Variants in SDC2 observed in about 807,000 individuals in gnomAD.
The protein encoded by SDC2 is syndecan-2.
A neutral mutation model predicts 22.2 loss-of-function variants in SDC2; 13 were observed. The observed-to-expected ratio is 0.59, with a 90% CI of 0.38 to 0.93. The LOEUF (loss-of-function observed/expected upper bound fraction) is 0.93, where lower values mean the gene tolerates loss of function less well. SDC2 is among the 40% of genes least tolerant of loss of function. The pLI, the probability that SDC2 is intolerant of heterozygous loss-of-function variation, is 0.00. For missense variants in SDC2, 235 were observed against 246.8 expected (o/e 0.95, Z 0.32); for synonymous variants, 94 against 92.8 (o/e 1.01, Z -0.07).
intron 1 of SDC2, among the ~76,000 whole-genome samples, chr8:96,511,807 T>TA (rs1330546382): frequency 1.3e-5 from 2 of 149,712 alleles, no homozygotes; most frequent in Non-Finnish European, 2.9e-5. Context: ...TTTTTTTTTT[T>TA]AATCAGCCTC....
chr8:96,497,812 C>T (rs5893387), intron 1 of SDC2, among the ~76,000 whole-genome samples: 37,197 of 152,124 alleles, frequency 0.24, 4,852 homozygotes, highest in Non-Finnish European at 0.31. Flanking sequence ...TGAGGAATGC[C>T]ATCTGGGTTT....
intron 1 of SDC2, among the ~76,000 whole-genome samples, chr8:96,570,370 T>C (rs1426491220): frequency 6.6e-6 from 1 of 152,166 alleles, no homozygotes; most frequent in Non-Finnish European, 1.5e-5. Flanking sequence ...TTAAAGACAT[T>C]TGTCTAGAAA....
At chr8:96,543,995 A>T (rs1482411179) in intron 1 of SDC2, among the ~76,000 whole-genome samples, 1 of 152,184 alleles carries the variant, frequency 6.6e-6, no homozygotes, top group Non-Finnish European at 1.5e-5. Context: ...CTTACTCGAG[A>T]TGCTAGAGCT....
chr8:96,544,222 T>G (rs569211484), intron 1 of SDC2, among the ~76,000 whole-genome samples: 2 of 152,326 alleles, frequency 1.3e-5, no homozygotes, highest in South Asian at 4.1e-4. Flanking sequence ...TAATTGGATG[T>G]GTACTTACCT....
chr8:96,603,440 G>A (rs897104838), intron 3 of SDC2, among the ~76,000 whole-genome samples: 18 of 152,170 alleles, frequency 1.2e-4, no homozygotes, highest in Admixed American at 3.3e-4. Flanking sequence ...CAGTGCAGGG[G>A]TAACATATGG....
chr8:96,519,728 C>G (rs933422726), intron 1 of SDC2, among the ~76,000 whole-genome samples: 1 of 151,984 alleles, frequency 6.6e-6, no homozygotes, highest in Non-Finnish European at 1.5e-5. Context: ...TCTCTCCTCC[C>G]GGGTTCAAGC....
intron 1 of SDC2, among the ~76,000 whole-genome samples, chr8:96,543,413 A>G (rs924149869): frequency 1.3e-5 from 2 of 152,240 alleles, no homozygotes; most frequent in Non-Finnish European, 2.9e-5. Context: ...GAAAAGCCAC[A>G]TTGGTAATGA....
chr8:96,522,694 A>C (rs1165591457), intron 1 of SDC2, among the ~76,000 whole-genome samples: 1 of 152,240 alleles, frequency 6.6e-6, no homozygotes, highest in East Asian at 1.9e-4. Flanking sequence ...TGAACTACTA[A>C]GGTAAGGGAA....
At chr8:96,601,529 T>C (rs1284791569) in intron 2 of SDC2, among the ~76,000 whole-genome samples, 1 of 149,716 alleles carries the variant, frequency 6.7e-6, no homozygotes, top group Non-Finnish European at 1.5e-5. Flanking sequence ...TAGTCCCAGC[T>C]ACTCGGGAGG....
intron 1 of SDC2, among the ~76,000 whole-genome samples, chr8:96,533,939 C>G (rs962777527): frequency 6.6e-6 from 1 of 152,134 alleles, no homozygotes; most frequent in African/African-American, 2.4e-5. Context: ...GGCTGCAGGT[C>G]CTGAGCCCTG....
At chr8:96,517,375 G>A (rs779801233) in intron 1 of SDC2, among the ~76,000 whole-genome samples, 6 of 152,116 alleles carry the variant, frequency 3.9e-5, no homozygotes, top group African/African-American at 7.2e-5. Context: ...TGTTGCTTAT[G>A]TTTTTGGTAT....
intron 1 of SDC2, among the ~76,000 whole-genome samples, chr8:96,549,401 A>G (rs556955460): frequency 1.6e-4 from 24 of 152,336 alleles, no homozygotes; most frequent in African/African-American, 5.5e-4. Context: ...GAATAACAAA[A>G]GCCTTATCAT....
chr8:96,517,532 T>C (rs1355872345), intron 1 of SDC2, among the ~76,000 whole-genome samples: 1 of 152,214 alleles, frequency 6.6e-6, no homozygotes, highest in Non-Finnish European at 1.5e-5. Flanking sequence ...GGGTACAGTT[T>C]ATTTTCTTCT....
intron 2 of SDC2, 83 bp downstream of exon 2, chr8:96,593,674 C>T (rs755013779): frequency 1.2e-5 from 11 of 893,310 alleles, no homozygotes; most frequent in Non-Finnish European, 2.0e-5. Context: ...TTCAAGGAGA[C>T]AGGCAGGATG....
At chr8:96,609,029 A>G (rs1356458655) in intron 4 of SDC2, among the ~76,000 whole-genome samples, 3 of 152,214 alleles carry the variant, frequency 2.0e-5, no homozygotes, top group South Asian at 4.1e-4. Context: ...TTTTAAGTCA[A>G]TTATACTATG....
At chr8:96,566,806 G>A (rs1453027376) in intron 1 of SDC2, among the ~76,000 whole-genome samples, 1 of 151,896 alleles carries the variant, frequency 6.6e-6, no homozygotes, top group African/African-American at 2.4e-5. Context: ...TATATTTAGG[G>A]AGGGGGGTGT....
intron 1 of SDC2, among the ~76,000 whole-genome samples, chr8:96,514,062 G>A (rs1236238587): frequency 6.6e-6 from 1 of 152,172 alleles, no homozygotes; most frequent in African/African-American, 2.4e-5. Context: ...GACATCTTTT[G>A]TTGCCTATAG....
intron 1 of SDC2, chr8:96,580,208 A>T: frequency 5.8e-6 from 1 of 173,154 alleles, no homozygotes; most frequent in South Asian, 1.9e-4. Context: ...CATTGCTGGC[A>T]TGCATGCCAA....
chr8:96,546,620 G>A (rs1813937145), intron 1 of SDC2, among the ~76,000 whole-genome samples: 1 of 152,158 alleles, frequency 6.6e-6, no homozygotes, highest in South Asian at 2.1e-4. Context: ...TTCGTAGAAT[G>A]TGTAATGAAT....
Sources: allele counts gnomAD v4.1 joint callset (sites outside exome capture counted in the v4.1 genomes callset), GRCh38; gene constraint gnomAD v4.1.1; transcripts MANE v1.5; gene names NCBI Gene and HGNC (gene_info 2026-07-23, HGNC 2026-07-21).